The following NUP107 variants were observed in gnomAD, a reference collection of about 807,000 sequenced individuals.
The protein encoded by NUP107 is nucleoporin 107.
In NUP107, 101 loss-of-function variants were observed where a neutral mutation model predicts 141.0. The observed-to-expected ratio is 0.72, with a 90% CI of 0.61 to 0.84. The LOEUF is 0.84. Ranked by LOEUF, NUP107 falls within the 40% of genes least tolerant of loss-of-function variation. NUP107 has a pLI of 0.00. For synonymous variants in NUP107, 319 were observed against 363.9 expected (o/e 0.88, Z 1.41); for missense variants, 941 against 1,102.7 (o/e 0.85, Z 2.08).
intron 5 of NUP107, among the ~76,000 whole-genome samples, chr12:68,696,002 CCT>C (rs1398463448): frequency 2.0e-5 from 3 of 149,458 alleles, no homozygotes; most frequent in South Asian, 2.1e-4. Flanking sequence ...GCAAGATCCC[CCT>C]CTCTTAAAAA....
chr12:68,731,412 G>GT (rs1206477041), intron 21 of NUP107, 152 bp downstream of exon 21: 2 of 811,946 alleles, frequency 2.5e-6, no homozygotes, highest in Non-Finnish European at 3.6e-6. Flanking sequence ...TAGGACTAAA[G>GT]TTACTTATGC....
In NUP107 at chr12:68,705,935, A is replaced by G; in HGVS notation, c.729+3151A>G. ...GAGCAGATCAAGACCCTCAACAACA[A>G]GTTTGCCTCCTTCATTGACAAGGTA... On this transcript the variant is annotated intron_variant, in intron 8 of 27. Coordinates refer to ENST00000229179, the MANE Select transcript of NUP107 (RefSeq NM_020401.4). 4 of 914,316 alleles carry G rather than the reference A, an allele frequency of 4.4e-6. 1 individual carries two copies. The South Asian group carries it at 5.2e-5, about 12-fold the overall frequency. The allele number at this position is 914,316 out of a possible 1,614,324, so 56.6% of individuals were successfully genotyped here. A position where few individuals can be genotyped will look rare whatever the true frequency, so the allele number is the denominator to read the frequency against.
chr12:68,706,120 G>A lies in NUP107; in HGVS notation c.730-3118G>A. 1.2e-5 allele frequency: 9 copies of A among 767,784 alleles called. No individual in the cohort carries two copies. In the South Asian group the frequency reaches 1.2e-4, roughly 10 times the overall value. 47.6% of individuals were successfully genotyped at this position (767,784 alleles called of 1,614,324 possible). A position where few individuals can be genotyped will look rare whatever the true frequency, so the allele number is the denominator to read the frequency against. On this transcript the variant is annotated intron_variant, in intron 8 of 27. Coordinates refer to ENST00000229179, the MANE Select transcript of NUP107 (RefSeq NM_020401.4). ...TGGGCCAAGAGAAGCTGAAGCTGGA[G>A]GTGGAACTTGATAACATGCAGGGGC...
rs1255592121 is a variant in NUP107, at chr12:68,695,350, A to C, written c.449-1469A>C. Among the ~76,000 whole-genome samples the C allele has an allele frequency of 7.9e-5, 12 of 152,254 alleles. No individual in the cohort carries two copies. The South Asian group carries it at 2.5e-3, about 31-fold the overall frequency. ...TTCATAGCATGATTCATAGTAGCCA[A>C]AAGGTAGAAGCAAGCCAAGTACCTG... On this transcript the variant is annotated intron_variant, in intron 5 of 27. Transcript: ENST00000229179.
chr12:68,692,730 G>A (rs1418555501), intron 5 of NUP107, among the ~76,000 whole-genome samples: 2 of 150,944 alleles, frequency 1.3e-5, no homozygotes, highest in East Asian at 3.9e-4. Flanking sequence ...CTGCAGGCAT[G>A]TACCACCATG....
At chr12:68,733,313 C>T (rs1877920761) in intron 23 of NUP107, 139 bp from the exon 24 acceptor site, 1 of 624,836 alleles carries the variant, frequency 1.6e-6, no homozygotes, top group East Asian at 3.0e-5. Context: ...AGAAAGATCA[C>T]CAAGACCTTT....
intron 3 of NUP107, among the ~76,000 whole-genome samples, chr12:68,690,190 C>T (rs1875717135): frequency 6.6e-6 from 1 of 151,238 alleles, no homozygotes; most frequent in South Asian, 2.1e-4. Flanking sequence ...ATCCCAGTTC[C>T]ATTATTTACA....
Position 68,727,383 on chromosome 12 carries a change from C to T in NUP107, c.1728C>T (p.Tyr576=). The T allele has an allele frequency of 6.7e-7, 1 of 1,501,036 alleles. No individual in the cohort carries two copies. Among genetic ancestry groups the T allele is most frequent in the Non-Finnish European group, 9.2e-7 (1 of 1,091,346 alleles). 93.0% of individuals were successfully genotyped at this position (1,501,036 alleles called of 1,614,324 possible). Residue 576 remains tyrosine (Y), a synonymous_variant, in exon 20 of 28, where the codon TAC becomes TAT. Transcript: ENST00000229179. ...TTTCTATTGAAGTTTTAAAGACATA[C>T]ATACAGGTAAACTTTGAGAACCTAC... The part of the protein sequence containing the change: ...EEVSIEVLKT[Y]IQLLIREKHT...
chr12:68,740,941 G>T (rs763778913), intron 26 of NUP107, among the ~76,000 whole-genome samples: 29 of 151,808 alleles, frequency 1.9e-4, no homozygotes, highest in Non-Finnish European at 3.8e-4. Context: ...TAGCTACTTG[G>T]GAGGCTGAGG....
At position 68,689,643 on chromosome 12, in the gene NUP107, A is replaced by G. The variant is rs764892400; in HGVS notation, c.187+24A>G. The stretch of plus-strand genomic sequence containing the variant: ...TTGTAAGATTTTTTGCTTTTAAAGC[A>G]TTTAATAATAACGGTAATTATAATA... On this transcript the variant is annotated intron_variant, in intron 3 of 27. Transcript: ENST00000229179. The G allele has an allele frequency of 3.5e-6, 5 of 1,430,442 alleles. No individual in the cohort carries two copies. In the South Asian group the frequency reaches 5.9e-5, roughly 17 times the overall value. 88.6% of individuals were successfully genotyped at this position (1,430,442 alleles called of 1,614,324 possible).
chr12:68,742,340 C>G lies in NUP107; in HGVS notation c.2671-15C>G, dbSNP rs765027705. ...TGTCTTTGTTCTCATTCTTATTTCT[C>G]TTTTTAAAAATCAGGTATTTTCTAA... On this transcript the variant is annotated splice_polypyrimidine_tract_variant and intron_variant, in intron 27 of 27. Transcript: ENST00000229179. 2.0e-6 allele frequency: 3 copies of G among 1,524,736 alleles called. No individual in the cohort carries two copies. Among genetic ancestry groups the G allele is most frequent in the Non-Finnish European group, 2.7e-6 (3 of 1,102,820 alleles). 94.5% of individuals were successfully genotyped at this position (1,524,736 alleles called of 1,614,324 possible).
rs905189700 is a variant in NUP107, at chr12:68,745,165, G to A, written c.*2703G>A. ...TCCTGGGCTCAAGCAATCCTCCCAC[G>A]TCAGTCTCTCAAATAGCTGGGACTA... is the stretch of plus-strand genomic sequence containing the variant. On this transcript the variant is annotated 3_prime_UTR_variant, in exon 28 of 28. Coordinates refer to ENST00000229179, the MANE Select transcript of NUP107 (RefSeq NM_020401.4). The A allele has an allele frequency of 1.3e-5, 2 of 152,020 alleles. No homozygotes were observed. The highest frequency in any genetic ancestry group is 2.9e-5 in the Non-Finnish European group (2 of 67,990). 9.4% of individuals were successfully genotyped at this position (152,020 alleles called of 1,614,324 possible). A position where few individuals can be genotyped will look rare whatever the true frequency, so the allele number is the denominator to read the frequency against.
intron 11 of NUP107, among the ~76,000 whole-genome samples, 179 bp from the exon 12 acceptor site, chr12:68,715,448 C>T (rs1877058673): frequency 6.6e-6 from 1 of 152,062 alleles, no homozygotes; most frequent in Non-Finnish European, 1.5e-5. Context: ...GTGCTGAGAT[C>T]GCGCCACTGC....
At chr12:68,734,308 T>A (rs7397109) in intron 24 of NUP107, among the ~76,000 whole-genome samples, 15 of 151,862 alleles carry the variant, frequency 9.9e-5, no homozygotes, top group Admixed American at 7.2e-4. Context: ...AAAAAAAAAA[T>A]TTTATTCAAT....
intron 23 of NUP107, 164 bp downstream of exon 23, chr12:68,732,903 G>A (rs1048975005): frequency 2.5e-5 from 11 of 431,674 alleles, no homozygotes; most frequent in Admixed American, 3.9e-5. Context: ...GGCGGGTCTC[G>A]AACTCCTGGC....
chr12:68,695,895 T>A (rs1191471624), intron 5 of NUP107, among the ~76,000 whole-genome samples: 1 of 151,830 alleles, frequency 6.6e-6, no homozygotes, highest in Admixed American at 6.6e-5. Context: ...TAGTCCCAGC[T>A]ACTGGGGAGG....
At chr12:68,723,014 A>G (rs747522489) in intron 17 of NUP107, among the ~76,000 whole-genome samples, 4 of 152,214 alleles carry the variant, frequency 2.6e-5, no homozygotes, top group Middle Eastern at 3.2e-3. Flanking sequence ...ATATACATAC[A>G]TACAGTGTTT....
chr12:68,698,044 AAG>A (rs1271654060), intron 6 of NUP107, among the ~76,000 whole-genome samples: 2 of 151,988 alleles, frequency 1.3e-5, no homozygotes, highest in African/African-American at 4.8e-5. Flanking sequence ...AAAAAAAAGA[AAG>A]AAAAGATGTT....
At chr12:68,724,004 G>A (rs1877456759) in intron 17 of NUP107, among the ~76,000 whole-genome samples, 1 of 151,996 alleles carries the variant, frequency 6.6e-6, no homozygotes, top group African/African-American at 2.4e-5. Flanking sequence ...AGAAAATTAA[G>A]GAACAGATAT....
Sources: allele counts gnomAD v4.1 joint callset (sites outside exome capture counted in the v4.1 genomes callset), GRCh38; gene constraint gnomAD v4.1.1; transcripts MANE v1.5; gene names NCBI Gene and HGNC (gene_info 2026-07-23, HGNC 2026-07-21).